NHS: variants seen among roughly 807,000 people sequenced by gnomAD.
The protein encoded by NHS is NHS actin remodeling regulator, also known as actin remodeling regulator NHS.
Under a neutral mutation model 72.5 loss-of-function variants are expected in NHS, and 5 were observed. The observed-to-expected ratio is 0.07, with a 90% CI of 0.04 to 0.14. The LOEUF is 0.14. Ranked by LOEUF, NHS falls within the 10% of genes least tolerant of loss-of-function variation. NHS has a pLI of 1.00. For synonymous variants in NHS, 464 were observed against 547.7 expected (o/e 0.85, Z 2.13); for missense variants, 1,072 against 1,355.7 (o/e 0.79, Z 3.29).
intron 3 of NHS, among the ~76,000 whole-genome samples, chrX:17,699,459 T>G (rs543181547): frequency 3.7e-5 from 4 of 108,636 alleles, no homozygotes; most frequent in African/African-American, 1.3e-4. Flanking sequence ...AGAGATGGAG[T>G]TTTTTAATGA....
chrX:17,376,130 T>G lies in NHS; in HGVS notation c.373T>G (p.Cys125Gly), dbSNP rs761928742. 13 of 1,176,769 alleles carry G rather than the reference T, an allele frequency of 1.1e-5. No homozygotes were observed. Among genetic ancestry groups the G allele is most frequent in the Non-Finnish European group, 3.4e-6 (3 of 884,257 alleles). Residue 125 changes from cysteine to glycine, a missense_variant, in exon 1 of 9, where the codon TGC becomes GGC. Transcript: ENST00000676302. Reference protein sequence around the residue: ...AAAVLLMLDLCAVSNAALARV... With the variant: ...AAAVLLMLDLGAVSNAALARV... ...GGCCGTGCTGCTCATGCTGGACCTA[T>G]GCGCGGTCAGCAACGCCGCTCTGGC...
chrX:17,653,004 A>C (rs2065937528), intron 1 of NHS, among the ~76,000 whole-genome samples: 2 of 111,455 alleles, frequency 1.8e-5, no homozygotes, highest in South Asian at 7.6e-4. Flanking sequence ...AGCACCCAGC[A>C]CAGTACCTGG....
At chrX:17,403,495 A>C (rs1320367571) in intron 1 of NHS, among the ~76,000 whole-genome samples, 1 of 111,273 alleles carries the variant, frequency 9.0e-6, no homozygotes, top group Non-Finnish European at 1.9e-5. Context: ...TGAAAGTACT[A>C]CTATGGGGCA....
intron 1 of NHS, among the ~76,000 whole-genome samples, chrX:17,505,805 G>C (rs1422741475): frequency 9.0e-6 from 1 of 110,743 alleles, no homozygotes; most frequent in Non-Finnish European, 1.9e-5. Flanking sequence ...AAAATATTGT[G>C]TGGATATGTG....
intron 1 of NHS, among the ~76,000 whole-genome samples, chrX:17,615,238 GTA>G (rs200576721): frequency 8.3e-5 from 7 of 84,524 alleles, no homozygotes; most frequent in African/African-American, 4.1e-4. Context: ...ATATATATAC[GTA>G]TATATATACA....
intron 1 of NHS, among the ~76,000 whole-genome samples, chrX:17,538,980 G>C (rs2146950167): frequency 8.9e-6 from 1 of 111,937 alleles, no homozygotes; most frequent in South Asian, 3.7e-4. Context: ...TCCAGTAAAA[G>C]CCAGAGTCCC....
At chrX:17,441,412 C>A in intron 1 of NHS, among the ~76,000 whole-genome samples, 1 of 112,067 alleles carries the variant, frequency 8.9e-6, no homozygotes, top group Non-Finnish European at 1.9e-5. Context: ...CTCTTTAAAT[C>A]CTCATCTCAT....
chrX:17,728,262 A>G lies in NHS; in HGVS notation c.4156A>G (p.Lys1386Glu). 8.3e-7 allele frequency: 1 copy of G among 1,212,073 alleles called. No homozygotes were observed. Among genetic ancestry groups the G allele is most frequent in the Non-Finnish European group, 1.1e-6 (1 of 895,570 alleles). ...AAATATTGCTTCAGGTATTTCAGCCAAAAGTGCCTCTGATAACAGCAAAGC... is the reference window on the plus strand; with the variant it reads ...AAATATTGCTTCAGGTATTTCAGCCGAAAGTGCCTCTGATAACAGCAAAGC... Reference protein sequence around the residue: ...QENIASGISAKSASDNSKAEE... With the variant: ...QENIASGISAESASDNSKAEE... Residue 1386 changes from lysine to glutamate, a missense_variant, in exon 7 of 9, where the codon AAA becomes GAA. Transcript: ENST00000676302.
chrX:17,658,228 G>A (rs2065966379), intron 1 of NHS, among the ~76,000 whole-genome samples: 2 of 112,771 alleles, frequency 1.8e-5, no homozygotes, highest in African/African-American at 3.2e-5. Flanking sequence ...GTAAAGTCCA[G>A]CTTGAAGAAA....
chrX:17,696,918 T>G (rs766016423), intron 3 of NHS, among the ~76,000 whole-genome samples: 1 of 111,624 alleles, frequency 9.0e-6, no homozygotes, highest in Non-Finnish European at 1.9e-5. Context: ...TATTTCCTCC[T>G]GTTACAAGGT....
chrX:17,634,487 A>G (rs2065835080), intron 1 of NHS, among the ~76,000 whole-genome samples: 1 of 111,544 alleles, frequency 9.0e-6, no homozygotes, highest in Non-Finnish European at 1.9e-5. Flanking sequence ...TTCTGCACAC[A>G]GATTCACTTG....
chrX:17,383,228 G>A (rs1463384638), intron 1 of NHS, among the ~76,000 whole-genome samples: 1 of 111,792 alleles, frequency 8.9e-6, no homozygotes, highest in East Asian at 2.8e-4. Context: ...ACTTATGGGG[G>A]AACTGCAACC....
At chrX:17,474,485 C>T (rs2064905697) in intron 1 of NHS, among the ~76,000 whole-genome samples, 2 of 111,585 alleles carry the variant, frequency 1.8e-5, no homozygotes, top group Non-Finnish European at 3.8e-5. Flanking sequence ...AGGAAAGCTA[C>T]TGGGGAGTGC....
chrX:17,724,354 G>A lies in NHS; in HGVS notation c.1164G>A (p.Ser388=), dbSNP rs1396824865. ...SIRCSLVHSQ[S]VLQRRRKLRR... ...GCTGCTCTCTGGTTCATTCACAATCGGTACTACAGCGGAGACGAAAATTGA... is the reference window on the plus strand; with the variant it reads ...GCTGCTCTCTGGTTCATTCACAATCAGTACTACAGCGGAGACGAAAATTGA... The change falls in exon 6 of 9, where the codon TCG becomes TCA. Residue 388 remains serine, a synonymous_variant. Transcript: ENST00000676302. The A allele has an allele frequency of 2.0e-5, 24 of 1,211,549 alleles. No homozygotes were observed. The highest frequency in any genetic ancestry group is 2.3e-5 in the Non-Finnish European group (21 of 895,349).
rs757259258 is a variant in NHS at position 17,508,844 on chromosome X, A to T, written c.565+132522A>T. ...CCTTTTGGCTATTGTGAATAGTGCC[A>T]TGTGAACATTTGTGTGTGTATTTGC... On this transcript the variant is annotated intron_variant, in intron 1 of 8. Transcript: ENST00000676302. 6.2e-5 allele frequency among the ~76,000 whole-genome samples: 7 copies of T among 112,433 alleles called. No individual in the cohort carries two copies. The South Asian group carries it at 2.6e-3, about 41-fold the overall frequency.
chrX:17,396,232 A>T (rs1421614339), intron 1 of NHS, among the ~76,000 whole-genome samples: 1 of 112,299 alleles, frequency 8.9e-6, no homozygotes, highest in African/African-American at 3.2e-5. Flanking sequence ...GAGTCAGTAG[A>T]CACATGTAGC....
At chrX:17,590,474 T>C (rs920860215) in intron 1 of NHS, among the ~76,000 whole-genome samples, 1 of 111,855 alleles carries the variant, frequency 8.9e-6, no homozygotes, top group Admixed American at 9.5e-5. Context: ...TATTTAATGA[T>C]ATGGAGGAAA....
At chrX:17,651,806 A>T (rs1287162710) in intron 1 of NHS, among the ~76,000 whole-genome samples, 1 of 112,984 alleles carries the variant, frequency 8.9e-6, no homozygotes, top group African/African-American at 3.2e-5. Context: ...TAAAGAAAGT[A>T]TAAAATATGC....
chrX:17,512,010 A>G (rs768263566), intron 1 of NHS, among the ~76,000 whole-genome samples: 2 of 112,066 alleles, frequency 1.8e-5, no homozygotes, highest in African/African-American at 6.5e-5. Context: ...AGAATTTCCC[A>G]GTGGGATTAA....
Sources: gnomAD v4.1 joint callset for allele counts (sites outside exome capture counted in the v4.1 genomes callset) on GRCh38, gnomAD v4.1.1 for gene constraint, MANE v1.5 for transcripts, NCBI Gene and HGNC (gene_info 2026-07-23, HGNC 2026-07-21) for gene names.